PCDH15: variants seen among roughly 807,000 people sequenced by gnomAD.
PCDH15 encodes protocadherin related 15.
A neutral mutation model predicts 178.5 loss-of-function variants in PCDH15; 129 were observed. The observed-to-expected ratio is 0.72, with a 90% CI of 0.63 to 0.84. The LOEUF is 0.84. Among genes scored for constraint, PCDH15 ranks in the 40% least tolerant of loss-of-function variants. PCDH15 has a pLI of 0.00. For synonymous variants in PCDH15, 800 were observed against 732.0 expected, an observed-to-expected ratio of 1.09 and a Z score of -1.50; for missense variants, 2,230 against 2,099.9, an observed-to-expected ratio of 1.06 and a Z score of -1.21.
At chr10:54,466,239 A>G (rs2136576722) in intron 3 of PCDH15, among the ~76,000 whole-genome samples, 1 of 152,114 alleles carries the variant, frequency 6.6e-6, no homozygotes, top group Non-Finnish European at 1.5e-5. Flanking sequence ...GGTCTCAGCC[A>G]TAAAATCTTT....
intron 3 of PCDH15, among the ~76,000 whole-genome samples, chr10:54,483,310 ATTATG>A (rs2078853719): frequency 6.6e-6 from 1 of 151,852 alleles, no homozygotes; most frequent in Non-Finnish European, 1.5e-5. Flanking sequence ...ATGCTCAGCA[ATTATG>A]TTATGAGCAA....
intron 2 of PCDH15, among the ~76,000 whole-genome samples, chr10:55,525,759 T>A (rs1431435615): frequency 6.6e-6 from 1 of 151,894 alleles, no homozygotes; most frequent in Non-Finnish European, 1.5e-5. Context: ...TTTTAAAGTA[T>A]TTTCATTTTA....
intron 3 of PCDH15, among the ~76,000 whole-genome samples, chr10:54,830,555 A>AG (rs930656877): frequency 1.4e-5 from 2 of 147,568 alleles, no homozygotes; most frequent in African/African-American, 5.0e-5. Context: ...GGACACAGGA[A>AG]GGGGAACATC....
At chr10:55,489,379 AG>A in intron 2 of PCDH15, among the ~76,000 whole-genome samples, 1 of 151,784 alleles carries the variant, frequency 6.6e-6, no homozygotes, top group Admixed American at 6.6e-5. Context: ...TTTATTTAAA[AG>A]CCATTGAGAA....
At chr10:54,057,694 T>C (rs1475093944) in intron 18 of PCDH15, among the ~76,000 whole-genome samples, 1 of 151,912 alleles carries the variant, frequency 6.6e-6, no homozygotes, top group Non-Finnish European at 1.5e-5. Flanking sequence ...AGCATTTGGC[T>C]CCTCCTTACT....
intron 1 of PCDH15, among the ~76,000 whole-genome samples, chr10:55,227,383 C>T (rs1841079383): frequency 6.8e-6 from 1 of 146,568 alleles, no homozygotes; most frequent in Admixed American, 6.9e-5. Flanking sequence ...AAGGTAGGAA[C>T]ATACCTCAAT....
intron 1 of PCDH15, among the ~76,000 whole-genome samples, chr10:54,756,056 AACACACACACACAC>A (rs71014414): frequency 8.4e-5 from 6 of 71,676 alleles, no homozygotes; most frequent in Non-Finnish European, 1.9e-4. Context: ...CTCTACTAAA[AACACACACACACAC>A]ACACACACAC....
rs2092277687 is a variant in PCDH15 at position 54,597,072 on chromosome 10, T to C, written c.91+67100A>G. On this transcript the variant is annotated intron_variant, in intron 2 of 37. Transcript: ENST00000644397. ...AAAATTAACAAAAATAATCAGAACA[T>C]GAACTTAACACTGGACCAAATTGAG... Among the ~76,000 whole-genome samples the C allele has an allele frequency of 3.3e-5, 5 of 152,112 alleles. No individual in the cohort carries two copies. The South Asian group carries it at 1.0e-3, about 32-fold the overall frequency.
chr10:54,490,445 G>A lies in PCDH15; in HGVS notation c.157+37367C>T, dbSNP rs555701990. On this transcript the variant is annotated intron_variant, in intron 3 of 37. Transcript: ENST00000644397. ...AGCCTGGGTGACAGAGCAAGACTATGTCTCAAAAATAAATAAATAAATAAT... is the reference window on the plus strand; with the variant it reads ...AGCCTGGGTGACAGAGCAAGACTATATCTCAAAAATAAATAAATAAATAAT... Among the ~76,000 whole-genome samples the A allele has an allele frequency of 2.2e-4, 33 of 151,776 alleles. No individual in the cohort carries two copies. The South Asian group carries it at 6.9e-3, about 32-fold the overall frequency.
At chr10:54,081,327 C>G (rs977865315) in intron 16 of PCDH15, among the ~76,000 whole-genome samples, 2 of 146,408 alleles carry the variant, frequency 1.4e-5, no homozygotes, top group African/African-American at 5.1e-5. Context: ...TATGTATACT[C>G]TATATATACT....
intron 8 of PCDH15, among the ~76,000 whole-genome samples, chr10:54,291,710 G>A (rs187714346): frequency 1.8e-4 from 28 of 151,996 alleles, no homozygotes; most frequent in South Asian, 1.5e-3. Flanking sequence ...CAAATAAACC[G>A]GAAAATCTAG....
intron 18 of PCDH15, among the ~76,000 whole-genome samples, chr10:54,054,496 G>T (rs904967528): frequency 1.3e-5 from 2 of 152,088 alleles, no homozygotes; most frequent in South Asian, 4.1e-4. Flanking sequence ...GTGGTCATTT[G>T]TGACCATAAA....
intron 35 of PCDH15, among the ~76,000 whole-genome samples, chr10:53,814,778 A>G (rs2076001062): frequency 6.6e-6 from 1 of 152,080 alleles, no homozygotes; most frequent in Non-Finnish European, 1.5e-5. Context: ...ATCCTGGCCA[A>G]TATGGTGAAA....
At chr10:55,037,856 G>C (rs760195280) in intron 2 of PCDH15, among the ~76,000 whole-genome samples, 2 of 152,082 alleles carry the variant, frequency 1.3e-5, no homozygotes, top group Non-Finnish European at 2.9e-5. Context: ...TCTTATCATA[G>C]TGTTATCTTG....
intron 15 of PCDH15, among the ~76,000 whole-genome samples, chr10:54,125,437 T>A (rs1228067913): frequency 6.6e-6 from 1 of 152,164 alleles, no homozygotes; most frequent in East Asian, 1.9e-4. Flanking sequence ...TTAAGAATCA[T>A]GAAGCAACCA....
intron 2 of PCDH15, among the ~76,000 whole-genome samples, chr10:54,930,107 A>C (rs1837734003): frequency 6.6e-6 from 1 of 152,190 alleles, no homozygotes; most frequent in African/African-American, 2.4e-5. Context: ...AGGCATGTTC[A>C]ACATGACATC....
intron 1 of PCDH15, among the ~76,000 whole-genome samples, chr10:54,717,811 C>T (rs1301428729): frequency 7.0e-6 from 1 of 143,004 alleles, no homozygotes; most frequent in Non-Finnish European, 1.5e-5. Context: ...CACATGCACA[C>T]GTATGTTTAC....
chr10:54,760,846 C>T (rs1039187168), intron 1 of PCDH15, among the ~76,000 whole-genome samples: 1 of 152,042 alleles, frequency 6.6e-6, no homozygotes, highest in East Asian at 1.9e-4. Context: ...TATGGGTAAA[C>T]TGAAGTATCT....
At chr10:55,461,760 T>G (rs1839683853) in intron 2 of PCDH15, among the ~76,000 whole-genome samples, 1 of 152,086 alleles carries the variant, frequency 6.6e-6, no homozygotes. Context: ...AAATACTAAT[T>G]TTCAATGGCT....
Sources: gnomAD v4.1 joint callset for allele counts (sites outside exome capture counted in the v4.1 genomes callset) on GRCh38, gnomAD v4.1.1 for gene constraint, MANE v1.5 for transcripts, NCBI Gene and HGNC (gene_info 2026-07-23, HGNC 2026-07-21) for gene names.